TMEM161B: variants seen among roughly 807,000 people sequenced by gnomAD.
TMEM161B encodes the protein transmembrane protein 161B.
A neutral mutation model predicts 61.8 loss-of-function variants in TMEM161B; 34 were observed. The ratio of observed to expected loss-of-function variants is 0.55; its 90% CI spans 0.42 to 0.73. TMEM161B has a LOEUF of 0.73. Ranked by LOEUF, TMEM161B falls within the 30% of genes least tolerant of loss-of-function variation. TMEM161B has a pLI of 0.00. For missense variants in TMEM161B, 456 were observed against 558.5 expected, an observed-to-expected ratio of 0.82 and a Z score of 1.85; for synonymous variants, 167 against 192.8, an observed-to-expected ratio of 0.87 and a Z score of 1.11.
At chr5:88,192,651 T>C (rs952471392), downstream of TMEM161B, among the ~76,000 whole-genome samples, 2 of 152,226 alleles carry the variant, frequency 1.3e-5, no homozygotes, top group Non-Finnish European at 2.9e-5. Flanking sequence ...AGCTCTAGTA[T>C]CACTAGTGTG....
chr5:88,229,627 G>A (rs1291031806), intron 2 of TMEM161B, among the ~76,000 whole-genome samples: 1 of 149,200 alleles, frequency 6.7e-6, no homozygotes, highest in Non-Finnish European at 1.5e-5. Context: ...AGGCAGCTAG[G>A]CAAAAACTTT....
intron 5 of TMEM161B, among the ~76,000 whole-genome samples, chr5:88,209,405 T>C (rs988236792): frequency 2.0e-5 from 3 of 152,176 alleles, no homozygotes; most frequent in Non-Finnish European, 4.4e-5. Flanking sequence ...AACAAAATAG[T>C]ATCTTTGGCC....
Position 88,199,151 on chromosome 5 carries a change from C to T in TMEM161B, c.915-1G>A. ...AGTATCGAATGTGGCTTCTGTCATTCTACAGATCAAAAAGTTGATACGGTG... is the reference window on the plus strand; with the variant it reads ...AGTATCGAATGTGGCTTCTGTCATTTTACAGATCAAAAAGTTGATACGGTG... On this transcript the variant is annotated splice_acceptor_variant, in intron 9 of 11. Coordinates refer to ENST00000296595, the MANE Select transcript of TMEM161B (RefSeq NM_153354.5). LOFTEE classifies it high-confidence loss of function. 1 of 1,601,136 alleles carries T rather than the reference C, an allele frequency of 6.2e-7. No homozygotes were observed. The highest frequency in any genetic ancestry group is 8.5e-7 in the Non-Finnish European group (1 of 1,173,130).
At chr5:88,255,210 C>G (rs1217778796) in intron 1 of TMEM161B, among the ~76,000 whole-genome samples, 1 of 152,132 alleles carries the variant, frequency 6.6e-6, no homozygotes. Context: ...TGAGGACTGT[C>G]TAATCCAGAA....
intron 1 of TMEM161B, among the ~76,000 whole-genome samples, chr5:88,252,690 A>C (rs1344812207): frequency 4.6e-5 from 7 of 152,178 alleles, no homozygotes; most frequent in African/African-American, 1.7e-4. Context: ...CTCACGAAGA[A>C]GGCTGACAAG....
chr5:88,225,973 G>A lies in TMEM161B; in HGVS notation c.192-107C>T. The A allele has an allele frequency of 7.4e-6, 5 of 673,634 alleles. No homozygotes were observed. The South Asian group carries it at 1.2e-4, about 16-fold the overall frequency. 41.7% of individuals were successfully genotyped at this position (673,634 alleles called of 1,614,324 possible). A position where few individuals can be genotyped will look rare whatever the true frequency, so the allele number is the denominator to read the frequency against. Reference sequence around the variant, plus strand: ...AAGTTTTAAATTTCACAGTGAAAAGGCAGAATTTCTAATATTTCATCAATA... The same window carrying A: ...AAGTTTTAAATTTCACAGTGAAAAGACAGAATTTCTAATATTTCATCAATA... On this transcript the variant is annotated intron_variant, in intron 3 of 11. Coordinates refer to ENST00000296595, the MANE Select transcript of TMEM161B (RefSeq NM_153354.5).
At chr5:88,258,077 C>A (rs185906191) in intron 1 of TMEM161B, among the ~76,000 whole-genome samples, 18 of 152,228 alleles carry the variant, frequency 1.2e-4, no homozygotes, top group Non-Finnish European at 2.1e-4. Flanking sequence ...CTATTAAAAT[C>A]AAGAATAAGC....
downstream of TMEM161B, chr5:88,190,166 T>C (rs1287512032): frequency 1.4e-6 from 1 of 701,032 alleles, no homozygotes; most frequent in Non-Finnish European, 2.6e-6. Flanking sequence ...CTCCACACTT[T>C]GGCATCTCTG....
At chr5:88,188,308 G>A (rs1561281885), downstream of TMEM161B, among the ~76,000 whole-genome samples, 1 of 148,754 alleles carries the variant, frequency 6.7e-6, no homozygotes, top group Non-Finnish European at 1.5e-5. Flanking sequence ...TAGGGACAGG[G>A]TTTCACCATG....
At chr5:88,191,540 T>C (rs551729013), downstream of TMEM161B, among the ~76,000 whole-genome samples, 9 of 152,324 alleles carry the variant, frequency 5.9e-5, no homozygotes, top group South Asian at 1.9e-3. Context: ...GAAAACACTC[T>C]TTGTGAAGTC....
At chr5:88,262,662 TA>T (rs1755827866) in intron 1 of TMEM161B, among the ~76,000 whole-genome samples, 1 of 152,150 alleles carries the variant, frequency 6.6e-6, no homozygotes, top group African/African-American at 2.4e-5. Flanking sequence ...CTACATACTG[TA>T]AGATTCCAAC....
chr5:88,211,698 G>A (rs1746814657), intron 5 of TMEM161B, among the ~76,000 whole-genome samples: 1 of 151,654 alleles, frequency 6.6e-6, no homozygotes, highest in South Asian at 2.1e-4. Context: ...TTGAATCCAG[G>A]AGATGGAGGT....
chr5:88,203,370 G>A (rs1744782151), intron 8 of TMEM161B, among the ~76,000 whole-genome samples: 1 of 152,042 alleles, frequency 6.6e-6, no homozygotes, highest in South Asian at 2.1e-4. Flanking sequence ...ATTCAGATTT[G>A]TTCACTTCTA....
At position 88,264,013 on chromosome 5, in the gene TMEM161B, G is replaced by A. The variant is rs552159412; in HGVS notation, c.3+4708C>T. Among the ~76,000 whole-genome samples, 27 of 152,154 alleles carry A rather than the reference G, an allele frequency of 1.8e-4. No individual in the cohort carries two copies. In the South Asian group the frequency reaches 3.7e-3, roughly 21 times the overall value. ...TGACCGAATCCATCCTTCAAACTGCGCATGTCAAATTACCACTCAGCTGGC... is the reference window on the plus strand; with the variant it reads ...TGACCGAATCCATCCTTCAAACTGCACATGTCAAATTACCACTCAGCTGGC... On this transcript the variant is annotated intron_variant, in intron 1 of 11. Transcript: ENST00000296595.
chr5:88,221,817 A>G (rs1749043436), intron 4 of TMEM161B: 8 of 450,934 alleles, frequency 1.8e-5, no homozygotes, highest in South Asian at 1.3e-4. Context: ...TTCTTATGGC[A>G]CATAATAAAA....
chr5:88,186,249 A>G (rs577375820), downstream of TMEM161B, among the ~76,000 whole-genome samples: 1 of 152,366 alleles, frequency 6.6e-6, no homozygotes, highest in South Asian at 2.1e-4. Context: ...AGAAAATTGT[A>G]AAGTCCAACG....
intron 1 of TMEM161B, among the ~76,000 whole-genome samples, chr5:88,243,930 T>C (rs1282186560): frequency 6.6e-6 from 1 of 151,788 alleles, no homozygotes; most frequent in East Asian, 1.9e-4. Context: ...TTGCCCACTT[T>C]TTTTGAAAGG....
chr5:88,195,069 G>C lies in TMEM161B; in HGVS notation c.*1142C>G. On this transcript the variant is annotated 3_prime_UTR_variant, in exon 12 of 12. Coordinates refer to ENST00000296595, the MANE Select transcript of TMEM161B (RefSeq NM_153354.5). ...AACAAAGGCATACATGATACCTGTAGACCTGATTTGAGAGGGAAAGATTCT... is the reference window on the plus strand; with the variant it reads ...AACAAAGGCATACATGATACCTGTACACCTGATTTGAGAGGGAAAGATTCT... 1 of 802,174 alleles carries C rather than the reference G, an allele frequency of 1.2e-6. No individual in the cohort carries two copies. Among genetic ancestry groups the C allele is most frequent in the Non-Finnish European group, 1.5e-6 (1 of 662,888 alleles). The allele number at this position is 802,174 out of a possible 1,614,324, so 49.7% of individuals were successfully genotyped here.
At chr5:88,203,120 G>A (rs747135298) in intron 8 of TMEM161B, 45 bp from the exon 9 acceptor site, 58 of 1,234,088 alleles carry the variant, frequency 4.7e-5, no homozygotes, top group African/African-American at 5.8e-5. Flanking sequence ...GAAACAGCAC[G>A]TGCTAATAAA....
Sources: allele counts gnomAD v4.1 joint callset (sites outside exome capture counted in the v4.1 genomes callset), GRCh38; gene constraint gnomAD v4.1.1; transcripts MANE v1.5; gene names NCBI Gene and HGNC (gene_info 2026-07-23, HGNC 2026-07-21).